The following TSPEAR variants were observed in gnomAD, a reference collection of about 807,000 sequenced individuals.
The protein encoded by TSPEAR is thrombospondin-type laminin G domain and EAR repeat-containing protein.
Under a neutral mutation model 71.6 loss-of-function variants are expected in TSPEAR, and 69 were observed. The ratio of observed to expected loss-of-function variants is 0.96; its 90% CI spans 0.79 to 1.18. TSPEAR has a LOEUF of 1.18. Among genes scored for constraint, TSPEAR ranks in the 50% most tolerant of loss-of-function variants. The pLI is 0.00. For synonymous variants in TSPEAR, 402 were observed against 387.2 expected (o/e 1.04, Z -0.45); for missense variants, 971 against 894.9 (o/e 1.09, Z -1.09).
intron 1 of TSPEAR, among the ~76,000 whole-genome samples, chr21:44,696,045 A>T (rs1402624013): frequency 1.3e-5 from 2 of 152,186 alleles, no homozygotes; most frequent in African/African-American, 4.8e-5. Flanking sequence ...TTCACTTCCC[A>T]TAAAGAAATC....
chr21:44,605,421 T>C (rs782512054), intron 1 of TSPEAR, among the ~76,000 whole-genome samples: 3 of 152,218 alleles, frequency 2.0e-5, no homozygotes, highest in Admixed American at 6.5e-5. Flanking sequence ...TCAATTTCAA[T>C]ATCATTTTTA....
intron 1 of TSPEAR, among the ~76,000 whole-genome samples, chr21:44,597,847 A>C (rs1166060418): frequency 6.6e-6 from 1 of 152,124 alleles, no homozygotes; most frequent in Non-Finnish European, 1.5e-5. Flanking sequence ...TTATTGACTG[A>C]TGATTTAGTT....
chr21:44,508,446 G>T, intron 10 of TSPEAR: 1 of 1,020,516 alleles, frequency 9.8e-7, no homozygotes, highest in Non-Finnish European at 1.2e-6. Context: ...CCCAGGATGG[G>T]AATGGGCCAG....
In TSPEAR at chr21:44,637,956, C is replaced by T. The variant is rs781960035; in HGVS notation, c.83-69951G>A. On this transcript the variant is annotated intron_variant, in intron 1 of 11. Transcript: ENST00000323084. ...TCTAGCTGCCAGCCTGCTTGCTGCACCGCCTCCTGCTGCAGACCCTCCTCC... is the reference window on the plus strand; with the variant it reads ...TCTAGCTGCCAGCCTGCTTGCTGCATCGCCTCCTGCTGCAGACCCTCCTCC... 2 of 1,613,986 alleles carry T rather than the reference C, an allele frequency of 1.2e-6. No individual in the cohort carries two copies. Among genetic ancestry groups the T allele is most frequent in the African/African-American group, 2.7e-5 (2 of 74,898 alleles).
chr21:44,516,345 T>C (rs7275321), intron 9 of TSPEAR: 4,542 of 152,528 alleles, frequency 0.03, 238 homozygotes, highest in African/African-American at 0.1. Context: ...TCTGGGCACC[T>C]GAAGGCAGAG....
Position 44,695,770 on chromosome 21 carries a change from C to T in TSPEAR, c.82+15663G>A, listed in dbSNP as rs1987306396. ...GGGTACACGCCACACACCAGGGTTT[C>T]ATCTCATCACAGGGTAATGTTTACA... On this transcript the variant is annotated intron_variant, in intron 1 of 11. Coordinates refer to ENST00000323084, the MANE Select transcript of TSPEAR (RefSeq NM_144991.3). This position sits in a 1 kb window ranked among gnomAD's most constrained non-coding sequence, Gnocchi z 4.5. 6.6e-6 allele frequency among the ~76,000 whole-genome samples: 1 copy of T among 152,136 alleles called. No individual in the cohort carries two copies. The highest frequency in any genetic ancestry group is 1.5e-5 in the Non-Finnish European group (1 of 68,022).
intron 1 of TSPEAR, among the ~76,000 whole-genome samples, chr21:44,621,165 T>C (rs1982406835): frequency 6.6e-6 from 1 of 152,236 alleles, no homozygotes; most frequent in Admixed American, 6.5e-5. Flanking sequence ...ACATATCTGT[T>C]AGACCCAGTA....
intron 1 of TSPEAR, chr21:44,601,356 T>C (rs1354349678): frequency 6.2e-7 from 1 of 1,610,216 alleles, no homozygotes; most frequent in African/African-American, 1.4e-5. Flanking sequence ...CCTGCTCTGA[T>C]GATTCCGGTT....
intron 2 of TSPEAR, chr21:44,550,827 T>C (rs1601402996): frequency 6.5e-7 from 1 of 1,535,146 alleles, no homozygotes; most frequent in Non-Finnish European, 8.9e-7. Context: ...GCTAGACTGC[T>C]GGCAGCACGG....
intron 1 of TSPEAR, among the ~76,000 whole-genome samples, chr21:44,605,409 T>C (rs1479558577): frequency 5.9e-5 from 9 of 152,228 alleles, no homozygotes; most frequent in Admixed American, 5.9e-4. Context: ...ATGCAATCTC[T>C]ATCAATTTCA....
chr21:44,662,562 G>A (rs1019902897), intron 1 of TSPEAR, among the ~76,000 whole-genome samples: 1 of 152,176 alleles, frequency 6.6e-6, no homozygotes, highest in Non-Finnish European at 1.5e-5. Flanking sequence ...AAGAGAACAA[G>A]TAGACAGAAA....
In TSPEAR at chr21:44,699,377, C is replaced by CAAAAA. The variant is rs55846070; in HGVS notation, c.82+12051_82+12055dup. ...CCTGGGTGAGAGTGAGACACTGTCT[C>CAAAAA]AAAAAAAAAAAAAAAAAAAAAGGGT... On this transcript the variant is annotated intron_variant, in intron 1 of 11. Coordinates refer to ENST00000323084, the MANE Select transcript of TSPEAR (RefSeq NM_144991.3). 3.5e-3 allele frequency among the ~76,000 whole-genome samples: 227 copies of CAAAAA among 65,024 alleles called. 2 individuals are homozygous for CAAAAA. Among genetic ancestry groups the CAAAAA allele is most frequent in the Middle Eastern group, 0.011 (1 of 92 alleles). The allele number at this position is 65,024 out of a possible 152,430, so 42.7% of individuals were successfully genotyped here.
rs1241205751 is a variant in TSPEAR, at chr21:44,708,005, G to A, written c.82+3428C>T. The stretch of plus-strand genomic sequence containing the variant: ...GATTCCCCCCCTCCCCGCCCCGCGC[G>A]TGCACACACACACACACACACACAC... On this transcript the variant is annotated intron_variant, in intron 1 of 11. Coordinates refer to ENST00000323084, the MANE Select transcript of TSPEAR (RefSeq NM_144991.3). Among the ~76,000 whole-genome samples, 5 of 16,306 alleles carry A rather than the reference G, an allele frequency of 3.1e-4. 1 individual carries two copies. Among genetic ancestry groups the A allele is most frequent in the South Asian group, 3.9e-3 (2 of 510 alleles). The allele number at this position is 16,306 out of a possible 152,430, so 10.7% of individuals were successfully genotyped here. A position where few individuals can be genotyped will look rare whatever the true frequency, so the allele number is the denominator to read the frequency against.
chr21:44,706,343 A>ACG (rs1435198879), intron 1 of TSPEAR, among the ~76,000 whole-genome samples: 2 of 150,972 alleles, frequency 1.3e-5, no homozygotes, highest in Non-Finnish European at 3.0e-5. Context: ...GCACACCCCC[A>ACG]TGCACACGCA....
chr21:44,658,263 G>A (rs782122676), intron 1 of TSPEAR: 1 of 1,613,266 alleles, frequency 6.2e-7, no homozygotes, highest in Non-Finnish European at 8.5e-7. Context: ...ACCCCTTCCT[G>A]CTGCTGACCA....
intron 1 of TSPEAR, chr21:44,697,030 A>G (rs1360725728): frequency 6.3e-6 from 6 of 956,348 alleles, no homozygotes; most frequent in South Asian, 1.7e-5. Context: ...CCAGACGCTC[A>G]CTCACTCCCT....
intron 2 of TSPEAR, among the ~76,000 whole-genome samples, chr21:44,552,814 G>A (rs761537195): frequency 1.1e-4 from 17 of 152,136 alleles, no homozygotes; most frequent in Non-Finnish European, 1.9e-4. Flanking sequence ...CCTCCAGCAC[G>A]TGCCAGTCAC....
chr21:44,682,999 T>C (rs1182539892), intron 1 of TSPEAR, among the ~76,000 whole-genome samples: 1 of 152,000 alleles, frequency 6.6e-6, no homozygotes, highest in Non-Finnish European at 1.5e-5. Flanking sequence ...AGAGAGAAGC[T>C]GCTAGAGGAT....
At chr21:44,688,495 C>T (rs1205842600) in intron 1 of TSPEAR, among the ~76,000 whole-genome samples, 5 of 152,104 alleles carry the variant, frequency 3.3e-5, no homozygotes, top group African/African-American at 4.8e-5. Flanking sequence ...CCGAGGAGGG[C>T]AGATCATGAG....
Sources: gnomAD v4.1 joint callset for allele counts (sites outside exome capture counted in the v4.1 genomes callset) on GRCh38, gnomAD v4.1.1 for gene constraint, Gnocchi (gnomAD v3.1) non-coding constraint, MANE v1.5 for transcripts, NCBI Gene and HGNC (gene_info 2026-07-23, HGNC 2026-07-21) for gene names.